CCDC126: variants seen among roughly 807,000 people sequenced by gnomAD.
CCDC126 encodes the protein coiled-coil domain containing 126.
In CCDC126, 5 loss-of-function variants were observed where a neutral mutation model predicts 11.7. The ratio of observed to expected loss-of-function variants is 0.43; its 90% confidence interval spans 0.22 to 0.90. CCDC126 has a LOEUF of 0.90. Among genes scored for constraint, CCDC126 ranks in the 40% least tolerant of loss-of-function variants. The pLI, the probability that CCDC126 is intolerant of heterozygous loss-of-function variation, is 0.27. For synonymous variants in CCDC126, 60 were observed against 61.9 expected (o/e 0.97, Z 0.14); for missense variants, 150 against 163.1 (o/e 0.92, Z 0.44).
chr7:23,618,392 A>G (rs1782830362), intron 3 of CCDC126, among the ~76,000 whole-genome samples: 1 of 152,152 alleles, frequency 6.6e-6, no homozygotes, highest in African/African-American at 2.4e-5. Context: ...CAAAATATCT[A>G]GAGCCCCACT....
intron 3 of CCDC126, among the ~76,000 whole-genome samples, chr7:23,633,104 T>C (rs577036115): frequency 5.3e-5 from 8 of 152,318 alleles, no homozygotes; most frequent in Non-Finnish European, 5.9e-5. Context: ...GCGATTTTCC[T>C]GACTCAGCCT....
At chr7:23,629,686 A>G (rs1366954368) in intron 3 of CCDC126, among the ~76,000 whole-genome samples, 3 of 148,566 alleles carry the variant, frequency 2.0e-5, no homozygotes, top group Non-Finnish European at 4.4e-5. Context: ...TTAAATTAAC[A>G]AGTTCAGCAA....
At chr7:23,634,319 C>T (rs1457894133) in intron 3 of CCDC126, among the ~76,000 whole-genome samples, 1 of 151,996 alleles carries the variant, frequency 6.6e-6, no homozygotes, top group Admixed American at 6.6e-5. Flanking sequence ...TGCCTGTAGT[C>T]CCAGCTATTT....
In CCDC126 at chr7:23,620,151, C is replaced by T. The variant is rs535218081; in HGVS notation, c.238+8598C>T. 3.6e-3 allele frequency among the ~76,000 whole-genome samples: 544 copies of T among 152,284 alleles called. 6 individuals carry two copies. The highest frequency in any genetic ancestry group is 0.012 in the African/African-American group (499 of 41,558). On this transcript the variant is annotated intron_variant, in intron 3 of 3. Transcript: ENST00000307471. ...TTCTAGTTCTAGATCCCTGAGGAATCGCCACACTGCCTTCCACAATGGTTG... is the reference window on the plus strand; with the variant it reads ...TTCTAGTTCTAGATCCCTGAGGAATTGCCACACTGCCTTCCACAATGGTTG...
chr7:23,631,760 CA>C (rs1229886078), intron 3 of CCDC126, among the ~76,000 whole-genome samples: 46 of 131,758 alleles, frequency 3.5e-4, no homozygotes, highest in Non-Finnish European at 3.8e-4. Context: ...GACCCTGTCT[CA>C]AAAAAAAAAA....
intron 3 of CCDC126, among the ~76,000 whole-genome samples, chr7:23,633,806 T>C (rs112280889): frequency 5.1e-4 from 78 of 152,154 alleles, no homozygotes; most frequent in African/African-American, 1.9e-3. Flanking sequence ...TGAGCCGAGA[T>C]TGTACCACAG....
intron 3 of CCDC126, among the ~76,000 whole-genome samples, chr7:23,612,193 A>G (rs1303225658): frequency 6.6e-6 from 1 of 151,432 alleles, no homozygotes; most frequent in Admixed American, 6.6e-5. Context: ...TTGATGGCTC[A>G]CATCTGTAAT....
chr7:23,602,258 G>C (rs1458169567), intron 2 of CCDC126: 1 of 152,038 alleles, frequency 6.6e-6, no homozygotes, highest in Admixed American at 6.6e-5. Flanking sequence ...TTCTTAACAG[G>C]GAATATTTTG....
chr7:23,636,397 A>G (rs1235069556), intron 3 of CCDC126, among the ~76,000 whole-genome samples: 2 of 141,246 alleles, frequency 1.4e-5, no homozygotes, highest in Non-Finnish European at 3.1e-5. Flanking sequence ...CCCGGCCGCC[A>G]TCCCATCTAG....
intron 3 of CCDC126, among the ~76,000 whole-genome samples, chr7:23,635,727 CTT>C (rs1162018691): frequency 1.3e-5 from 2 of 152,162 alleles, no homozygotes; most frequent in Non-Finnish European, 2.9e-5. Context: ...TTTATCCTGA[CTT>C]TTTCTTTAAT....
intron 3 of CCDC126, among the ~76,000 whole-genome samples, chr7:23,621,309 G>A (rs952260376): frequency 3.9e-5 from 6 of 151,964 alleles, no homozygotes; most frequent in Admixed American, 3.3e-4. Flanking sequence ...CTTGTAAGTT[G>A]GATTCCTAAG....
At chr7:23,642,822 A>G (rs1008190844) in intron 3 of CCDC126, 109 bp from the exon 4 acceptor site, 7 of 882,404 alleles carry the variant, frequency 7.9e-6, no homozygotes, top group Non-Finnish European at 1.2e-5. Context: ...TCTCTAGTAC[A>G]TTTTCCCTCA....
chr7:23,637,840 G>A (rs1439128784), intron 3 of CCDC126, among the ~76,000 whole-genome samples: 4 of 118,092 alleles, frequency 3.4e-5, no homozygotes, highest in African/African-American at 1.2e-4. Flanking sequence ...GAGGGAGGTG[G>A]GGGGGTCAGC....
Position 23,606,220 on chromosome 7 carries a change from A to G in CCDC126, c.-145-4951A>G, listed in dbSNP as rs185156336. Among the ~76,000 whole-genome samples, 151 of 151,950 alleles carry G rather than the reference A, an allele frequency of 9.9e-4. 2 individuals carry two copies. The highest frequency in any genetic ancestry group is 3.4e-3 in the Middle Eastern group (1 of 294). ...ACTACAGGTGCCCGCCACCACACCC[A>G]GCTAATTTTTTGTATTTTTAGTAGA... On this transcript the variant is annotated intron_variant, in intron 2 of 3. Coordinates refer to ENST00000307471, the MANE Select transcript of CCDC126 (RefSeq NM_138771.4).
chr7:23,638,120 C>T (rs768646045), intron 3 of CCDC126, among the ~76,000 whole-genome samples: 98 of 145,776 alleles, frequency 6.7e-4, no homozygotes, highest in African/African-American at 2.3e-3. Context: ...CCCGGCCAGC[C>T]GCCCCATCCG....
intron 3 of CCDC126, among the ~76,000 whole-genome samples, chr7:23,641,719 GAA>G (rs1174410413): frequency 1.3e-5 from 2 of 152,176 alleles, no homozygotes; most frequent in Non-Finnish European, 2.9e-5. Context: ...GGAAACCTGA[GAA>G]AGAGAATTCT....
chr7:23,618,087 C>T (rs1356241694), intron 3 of CCDC126, among the ~76,000 whole-genome samples: 1 of 152,170 alleles, frequency 6.6e-6, no homozygotes, highest in Non-Finnish European at 1.5e-5. Context: ...TTCTGTTGTC[C>T]TCTCTTCATA....
At chr7:23,598,629 C>T (rs1379886799) in intron 2 of CCDC126, 1 of 152,216 alleles carries the variant, frequency 6.6e-6, no homozygotes, top group Non-Finnish European at 1.5e-5. Context: ...ACAGTCCTGC[C>T]TCTGGGCTTC....
In CCDC126 at chr7:23,611,442, G is replaced by T. The variant is rs1782709434; in HGVS notation, c.127G>T (p.Val43Phe). The T allele has an allele frequency of 6.2e-7, 1 of 1,613,972 alleles. No individual in the cohort carries two copies. Among genetic ancestry groups the T allele is most frequent in the South Asian group, 1.1e-5 (1 of 91,082 alleles). ...TCAACAACCAAGACATCAAAGCAGT[G>T]TCAAGTTACGTGAGCAAATACTAGA... ...TFQQPRHQSS[V>F]KLREQILDLS... The change falls in exon 3 of 4, where the codon GTC becomes TTC. Residue 43 changes from valine (V) to phenylalanine (F), a missense_variant. Val to Phe is a conservative substitution (Grantham distance 50). Coordinates refer to ENST00000307471, the MANE Select transcript of CCDC126 (RefSeq NM_138771.4).
Sources: gnomAD v4.1 joint callset for allele counts (sites outside exome capture counted in the v4.1 genomes callset) on GRCh38, gnomAD v4.1.1 for gene constraint, MANE v1.5 for transcripts, NCBI Gene and HGNC (gene_info 2026-07-23, HGNC 2026-07-21) for gene names.